The following AHR variants were observed in gnomAD, a reference collection of about 807,000 sequenced individuals.
The protein encoded by AHR is AH-receptor.
Under a neutral mutation model 86.8 loss-of-function variants are expected in AHR, and 40 were observed. That is an observed-to-expected ratio of 0.46 (90% confidence interval 0.36 to 0.60). The LOEUF (loss-of-function observed/expected upper bound fraction) is 0.60. Ranked by LOEUF, AHR falls within the 20% of genes least tolerant of loss-of-function variation. The pLI is 0.00. For synonymous variants in AHR, 398 were observed against 354.9 expected, an observed-to-expected ratio of 1.12 and a Z score of -1.37; for missense variants, 1,001 against 1,011.6, an observed-to-expected ratio of 0.99 and a Z score of 0.14.
chr7:17,320,217 T>C (rs912563171), intron 2 of AHR, among the ~76,000 whole-genome samples: 1 of 152,090 alleles, frequency 6.6e-6, no homozygotes, highest in African/African-American at 2.4e-5. Context: ...CATTGTTTTC[T>C]AGTTATTTCC....
chr7:17,331,306 GA>G lies in AHR; in HGVS notation c.705+426del, dbSNP rs1334245514. 2.0e-5 allele frequency among the ~76,000 whole-genome samples: 3 copies of G among 151,854 alleles called. No homozygotes were observed. In the East Asian group the frequency reaches 5.8e-4, roughly 29 times the overall value. On this transcript the variant is annotated intron_variant, in intron 6 of 10. Coordinates refer to ENST00000242057, the MANE Select transcript of AHR (RefSeq NM_001621.5). ...AAATTTAGTTTAACATTAAGTTATAGAAAAAACAAGCCAATTTTCTTTGGTT... is the reference window on the plus strand; with the variant it reads ...AAATTTAGTTTAACATTAAGTTATAGAAAAACAAGCCAATTTTCTTTGGTT...
intron 10 of AHR, among the ~76,000 whole-genome samples, chr7:17,340,448 A>T (rs1407960175): frequency 2.6e-5 from 4 of 152,052 alleles, no homozygotes; most frequent in Non-Finnish European, 5.9e-5. Flanking sequence ...TGAGGGAGAA[A>T]GATATCAAGG....
chr7:17,339,703 C>G lies in AHR; in HGVS notation c.1878C>G (p.His626Gln). ...ATCTAGAACAGCAACAGCAACATCA[C>G]CAAAAGCAAGTAGTAGTGGAGCCAC... ...HLHLEQQQQHHQKQVVVEPQQ... is the reference protein window; with the variant it reads ...HLHLEQQQQHQQKQVVVEPQQ... Residue 626 changes from histidine (H) to glutamine (Q), a missense_variant, in exon 10 of 11, where the codon CAC becomes CAG. This residue lies in a region of AHR where 607 missense variants were observed against 543.1 expected (regional missense o/e 1.12). Coordinates refer to ENST00000242057, the MANE Select transcript of AHR (RefSeq NM_001621.5). The G allele has an allele frequency of 6.2e-7, 1 of 1,614,116 alleles. No individual in the cohort carries two copies. The highest frequency in any genetic ancestry group is 8.5e-7 in the Non-Finnish European group (1 of 1,180,010).
intron 5 of AHR, 126 bp downstream of exon 5, chr7:17,330,201 C>A (rs1202218410): frequency 1.1e-6 from 1 of 904,632 alleles, no homozygotes; most frequent in Non-Finnish European, 1.6e-6. Flanking sequence ...GTAAAGTCTG[C>A]AATCATAGGC....
intron 5 of AHR, 74 bp downstream of exon 5, chr7:17,330,149 G>C: frequency 7.0e-7 from 1 of 1,437,378 alleles, no homozygotes; most frequent in South Asian, 1.2e-5. Flanking sequence ...CTGGGAACCT[G>C]TAGGGTCATA....
chr7:17,299,045 G>C lies in AHR; in HGVS notation c.-220G>C. 1 of 500,384 alleles carries C rather than the reference G, an allele frequency of 2.0e-6. No homozygotes were observed. The highest frequency in any genetic ancestry group is 3.6e-5 in the South Asian group (1 of 27,854). The allele number at this position is 500,384 out of a possible 1,614,324, so 31.0% of individuals were successfully genotyped here. ...CCCTCGCCCACCCTCACTGCGCCAGGCCCAGGCAGCTCACCTGTACTGGCG... is the reference window on the plus strand; with the variant it reads ...CCCTCGCCCACCCTCACTGCGCCAGCCCCAGGCAGCTCACCTGTACTGGCG... On this transcript the variant is annotated 5_prime_UTR_variant, in exon 1 of 11. Transcript: ENST00000242057.
intron 2 of AHR, among the ~76,000 whole-genome samples, chr7:17,310,979 T>C (rs756918406): frequency 1.3e-5 from 2 of 152,214 alleles, no homozygotes; most frequent in East Asian, 1.9e-4. Context: ...TGTTTGTCAT[T>C]AACCAAACCA....
chr7:17,299,400 A>AC (rs1382687040), intron 1 of AHR, 71 bp downstream of exon 1: 7 of 1,536,510 alleles, frequency 4.6e-6, no homozygotes, highest in African/African-American at 1.4e-5. Flanking sequence ...AGGCAGCCCC[A>AC]CCCCGCCCCC....
Position 17,345,142 on chromosome 7 carries a change from C to G in AHR, c.*2078C>G, listed in dbSNP as rs1257838098. The G allele has an allele frequency of 2.0e-5, 3 of 151,724 alleles. No homozygotes were observed. Among genetic ancestry groups the G allele is most frequent in the African/African-American group, 7.3e-5 (3 of 41,340 alleles). 9.4% of individuals were successfully genotyped at this position (151,724 alleles called of 1,614,324 possible). ...CCATCCTGACCAACATGGTGAAACC[C>G]TGTCTCTACTAAAAATACAGAAATT... On this transcript the variant is annotated 3_prime_UTR_variant, in exon 11 of 11. Transcript: ENST00000242057.
intron 3 of AHR, among the ~76,000 whole-genome samples, chr7:17,326,627 A>G (rs1782233345): frequency 6.6e-6 from 1 of 152,192 alleles, no homozygotes; most frequent in Non-Finnish European, 1.5e-5. Flanking sequence ...GCATTGAGTT[A>G]GGTGGGATAT....
At chr7:17,312,776 T>A (rs758221821) in intron 2 of AHR, among the ~76,000 whole-genome samples, 19 of 152,208 alleles carry the variant, frequency 1.2e-4, no homozygotes, top group Non-Finnish European at 1.6e-4. Flanking sequence ...ATCTTTAACG[T>A]TAGATTCTTT....
chr7:17,333,672 C>T (rs1204541982), intron 6 of AHR, among the ~76,000 whole-genome samples: 4 of 151,706 alleles, frequency 2.6e-5, no homozygotes, highest in East Asian at 1.9e-4. Flanking sequence ...CATGTTATGA[C>T]CATTAGGAAC....
At chr7:17,335,259 C>T (rs926660747) in intron 8 of AHR, among the ~76,000 whole-genome samples, 6 of 151,914 alleles carry the variant, frequency 3.9e-5, no homozygotes, top group Non-Finnish European at 7.4e-5. Flanking sequence ...TTAATTACAT[C>T]GTTATCAATT....
At chr7:17,326,759 ATCTG>A (rs1205874485) in intron 3 of AHR, among the ~76,000 whole-genome samples, 2 of 152,146 alleles carry the variant, frequency 1.3e-5, no homozygotes, top group Non-Finnish European at 1.5e-5. Flanking sequence ...TCCAGACCAA[ATCTG>A]TCTGACTACA....
rs753076716 is a variant in AHR, at chr7:17,334,133, C to T, written c.908+19C>T. 4.3e-5 allele frequency: 68 copies of T among 1,591,656 alleles called. No individual in the cohort carries two copies. The highest frequency in any genetic ancestry group is 4.7e-5 in the Non-Finnish European group (55 of 1,160,712). ...ATGCCAAGTAAGTGAGACTTTTTCA[C>T]TTTTATTTTATTGGATGTACATTAT... On this transcript the variant is annotated intron_variant, in intron 7 of 10. Coordinates refer to ENST00000242057, the MANE Select transcript of AHR (RefSeq NM_001621.5).
chr7:17,325,229 G>T (rs1223588677), intron 3 of AHR, among the ~76,000 whole-genome samples: 1 of 152,148 alleles, frequency 6.6e-6, no homozygotes, highest in Non-Finnish European at 1.5e-5. Context: ...TATAAAAATT[G>T]ATGTGCATCT....
intron 2 of AHR, among the ~76,000 whole-genome samples, chr7:17,318,200 A>C (rs1271290103): frequency 6.6e-6 from 1 of 152,158 alleles, no homozygotes; most frequent in Non-Finnish European, 1.5e-5. Flanking sequence ...GTTTACCACT[A>C]TTCGGTATTC....
At chr7:17,305,347 G>A (rs1188595568) in intron 1 of AHR, among the ~76,000 whole-genome samples, 2 of 152,128 alleles carry the variant, frequency 1.3e-5, no homozygotes, top group African/African-American at 2.4e-5. Context: ...AGATAAATAC[G>A]GATGCACTGA....
chr7:17,334,618 C>G (rs1293324430), intron 7 of AHR, among the ~76,000 whole-genome samples: 4 of 152,014 alleles, frequency 2.6e-5, no homozygotes, highest in Admixed American at 6.6e-5. Flanking sequence ...GTTACCCATA[C>G]ATCTGCTCTA....
Sources: allele counts gnomAD v4.1 joint callset (sites outside exome capture counted in the v4.1 genomes callset), GRCh38; gene constraint gnomAD v4.1.1; regional missense constraint gnomAD v4.1.1; transcripts MANE v1.5; gene names NCBI Gene and HGNC (gene_info 2026-07-23, HGNC 2026-07-21).